The following CBX2 variants were observed in gnomAD, a reference collection of about 807,000 sequenced individuals.
CBX2 encodes chromobox 2.
Under a neutral mutation model 21.0 loss-of-function variants are expected in CBX2, and 11 were observed. The observed-to-expected ratio is 0.52, with a 90% confidence interval of 0.33 to 0.87. The LOEUF (loss-of-function observed/expected upper bound fraction) is 0.87, where lower values mean the gene tolerates loss of function less well. CBX2 is among the 40% of genes least tolerant of loss of function. The pLI, the probability that CBX2 is intolerant of heterozygous loss-of-function variation, is 0.02. For missense variants in CBX2, 746 were observed against 724.3 expected, an observed-to-expected ratio of 1.03 and a Z score of -0.34; for synonymous variants, 364 against 304.6, an observed-to-expected ratio of 1.19 and a Z score of -2.03.
chr17:79,782,116 G>C, intron 4 of CBX2: 2 of 1,613,266 alleles, frequency 1.2e-6, no homozygotes, highest in Non-Finnish European at 1.7e-6. Context: ...GGTCCTTGGG[G>C]GACGGAAAGG....
At chr17:79,777,428 G>A (rs1355994713), upstream of CBX2, among the ~76,000 whole-genome samples, 1 of 152,244 alleles carries the variant, frequency 6.6e-6, no homozygotes, top group African/African-American at 2.4e-5. Flanking sequence ...AAACTCGGGG[G>A]CTGGATCCAC....
At position 79,782,571 on chromosome 17, in the gene CBX2, T is replaced by C. The variant is rs1033810061; in HGVS notation, c.288+770T>C. On this transcript the variant is annotated intron_variant, in intron 4 of 4. Coordinates refer to ENST00000310942, the MANE Select transcript of CBX2 (RefSeq NM_005189.3). ...TGTGGCCACGAGCTCAGTCACTAACTGAACCTGCCTTTCCAGGAGGATTTC... is the reference window on the plus strand; with the variant it reads ...TGTGGCCACGAGCTCAGTCACTAACCGAACCTGCCTTTCCAGGAGGATTTC... 7.7e-6 allele frequency: 7 copies of C among 903,648 alleles called. No homozygotes were observed. In the Admixed American group the frequency reaches 3.0e-4, roughly 38 times the overall value. 56.0% of individuals were successfully genotyped at this position (903,648 alleles called of 1,614,324 possible).
Position 79,778,347 on chromosome 17 carries a change from G to A in CBX2, c.73-37G>A. On this transcript the variant is annotated intron_variant, in intron 1 of 4. Transcript: ENST00000310942. The surrounding 1 kb of genome is among the most constrained non-coding windows in gnomAD (Gnocchi z 4.8). ...CCGGGCCCCCCGCCCGCCGCCCGCT[G>A]TCCGTCTGGCTCACGGCCCCTCTTC... 6.3e-7 allele frequency: 1 copy of A among 1,577,500 alleles called. No individual in the cohort carries two copies. The highest frequency in any genetic ancestry group is 8.6e-7 in the Non-Finnish European group (1 of 1,166,890).
chr17:79,785,191 A>T lies in CBX2; in HGVS notation c.*149A>T. 1.5e-6 allele frequency: 1 copy of T among 688,736 alleles called. No homozygotes were observed. The highest frequency in any genetic ancestry group is 1.7e-5 in the South Asian group (1 of 58,712). 42.7% of individuals were successfully genotyped at this position (688,736 alleles called of 1,614,324 possible). A position where few individuals can be genotyped will look rare whatever the true frequency, so the allele number is the denominator to read the frequency against. On this transcript the variant is annotated 3_prime_UTR_variant, in exon 5 of 5. Coordinates refer to ENST00000310942, the MANE Select transcript of CBX2 (RefSeq NM_005189.3). ...TCCTTGATGGGCAGGCTTGGAAGGG[A>T]CTTCTCCCGCACCCCACTCTGTCCC...
In CBX2 at chr17:79,778,459, C is replaced by G. The variant is rs1906904906; in HGVS notation, c.116+32C>G. On this transcript the variant is annotated intron_variant, in intron 2 of 4. Transcript: ENST00000310942. The surrounding 1 kb of genome is among the most constrained non-coding windows in gnomAD (Gnocchi z 4.8). ...CCCCCGCGACGCCGCGCCCCCCTCC[C>G]GCCCCCTCGCCCGGGGGTGGGGACG... 7.0e-7 allele frequency: 1 copy of G among 1,431,052 alleles called. No individual in the cohort carries two copies. Among genetic ancestry groups the G allele is most frequent in the Admixed American group, 2.1e-5 (1 of 47,270 alleles). The allele number at this position is 1,431,052 out of a possible 1,614,324, so 88.6% of individuals were successfully genotyped here. A position where few individuals can be genotyped will look rare whatever the true frequency, so the allele number is the denominator to read the frequency against.
Position 79,785,753 on chromosome 17 carries a change from C to G in CBX2, c.*711C>G, listed in dbSNP as rs117006205. 6.5e-6 allele frequency: 1 copy of G among 153,190 alleles called. No homozygotes were observed. Among genetic ancestry groups the G allele is most frequent in the African/African-American group, 2.4e-5 (1 of 41,432 alleles). The allele number at this position is 153,190 out of a possible 1,614,324, so 9.5% of individuals were successfully genotyped here. ...CCTTCATGGCCATCTAGCCCCAGTT[C>G]AGGGCAGCATCCATAGCCCACAAGC... On this transcript the variant is annotated 3_prime_UTR_variant, in exon 5 of 5. Coordinates refer to ENST00000310942, the MANE Select transcript of CBX2 (RefSeq NM_005189.3).
Position 79,778,765 on chromosome 17 carries a change from C to G in CBX2, c.116+338C>G, listed in dbSNP as rs939684840. Among the ~76,000 whole-genome samples the G allele has an allele frequency of 2.6e-5, 4 of 152,132 alleles. No individual in the cohort carries two copies. The East Asian group carries it at 5.8e-4, about 22-fold the overall frequency. On this transcript the variant is annotated intron_variant, in intron 2 of 4. Coordinates refer to ENST00000310942, the MANE Select transcript of CBX2 (RefSeq NM_005189.3). This position sits in a 1 kb window ranked among gnomAD's most constrained non-coding sequence, Gnocchi z 4.8. ...CTTGGCCAGATTCTCCCCGCTGTAA[C>G]CTGAGCTTGCTATTGATGGATGTAG...
chr17:79,779,198 A>T (rs1906973067), intron 2 of CBX2, among the ~76,000 whole-genome samples, 164 bp from the exon 3 acceptor site: 1 of 152,168 alleles, frequency 6.6e-6, no homozygotes, highest in Admixed American at 6.5e-5. Context: ...GGGGGTGGCC[A>T]GCCTCCAAAA....
In CBX2 at chr17:79,786,979, G is replaced by C. The variant is rs1336867377; in HGVS notation, c.*1937G>C. The C allele has an allele frequency of 6.5e-6, 1 of 152,708 alleles. No homozygotes were observed. Among genetic ancestry groups the C allele is most frequent in the Non-Finnish European group, 1.5e-5 (1 of 68,086 alleles). 9.5% of individuals were successfully genotyped at this position (152,708 alleles called of 1,614,324 possible). ...ACAGTGGCCATATTGGCTGCAGCAG[G>C]AATGGTGCCCACCTCGGCGAATTGA... On this transcript the variant is annotated 3_prime_UTR_variant, in exon 5 of 5. Transcript: ENST00000310942.
intron 4 of CBX2, 85 bp from the exon 5 acceptor site, chr17:79,783,647 T>C: frequency 2.5e-6 from 3 of 1,188,394 alleles, no homozygotes; most frequent in Admixed American, 2.0e-5. Flanking sequence ...TGACCTCAGG[T>C]GATCCACCCG....
chr17:79,783,559 G>A (rs542408888), intron 4 of CBX2, among the ~76,000 whole-genome samples, 173 bp from the exon 5 acceptor site: 12 of 152,162 alleles, frequency 7.9e-5, no homozygotes, highest in African/African-American at 2.7e-4. Context: ...ACAGGTGCGC[G>A]CCACAACACC....
upstream of CBX2, among the ~76,000 whole-genome samples, chr17:79,777,832 C>T (rs1906827916): frequency 6.6e-6 from 1 of 150,850 alleles, no homozygotes; most frequent in Non-Finnish European, 1.5e-5. Context: ...AGGGCGGGCG[C>T]GCCCCGGGAA....
chr17:79,782,146 G>A lies in CBX2; in HGVS notation c.288+345G>A, dbSNP rs148976689. On this transcript the variant is annotated intron_variant, in intron 4 of 4. Transcript: ENST00000310942. ...GAAAGGAACAGGAAGCATGCGTACA[G>A]TAGGTGCTCATAGGATTGCCGGCTG... The A allele has an allele frequency of 7.6e-5, 122 of 1,612,874 alleles. No homozygotes were observed. The African/African-American group carries it at 1.1e-3, about 14-fold the overall frequency.
Position 79,783,884 on chromosome 17 carries a change from C to G in CBX2, c.441C>G (p.Ala147=), listed in dbSNP as rs1555830988. The G allele has an allele frequency of 1.9e-6, 3 of 1,613,958 alleles. No homozygotes were observed. Among genetic ancestry groups the G allele is most frequent in the Non-Finnish European group, 1.7e-6 (2 of 1,180,022 alleles). The change falls in exon 5 of 5, where the codon GCC becomes GCG. Residue 147 remains alanine, a synonymous_variant. Transcript: ENST00000310942. ...RETHPVPQKK[A]QILVAKPELK... Reference sequence around the variant, plus strand: ...CCCACCCAGTGCCGCAGAAGAAGGCCCAGATCCTGGTGGCCAAACCCGAGC... The same window carrying G: ...CCCACCCAGTGCCGCAGAAGAAGGCGCAGATCCTGGTGGCCAAACCCGAGC...
Position 79,778,491 on chromosome 17 carries a change from C to T in CBX2, c.116+64C>T, listed in dbSNP as rs1427035453. 3.5e-6 allele frequency: 4 copies of T among 1,145,612 alleles called. No homozygotes were observed. The highest frequency in any genetic ancestry group is 4.8e-6 in the Non-Finnish European group (4 of 835,770). 71.0% of individuals were successfully genotyped at this position (1,145,612 alleles called of 1,614,324 possible). On this transcript the variant is annotated intron_variant, in intron 2 of 4. Transcript: ENST00000310942. This position sits in a 1 kb window ranked among gnomAD's most constrained non-coding sequence, Gnocchi z 4.8. ...TCGCCCGGGGGTGGGGACGTGGAGC[C>T]CCTCGGCCGCGCCGTCCGGTGGCCT...
At position 79,784,396 on chromosome 17, in the gene CBX2, A is replaced by T; in HGVS notation, c.953A>T (p.Glu318Val). ...IPKAPSGGAV[E>V]QKVGNTGGPP... ...AAGGCCCCCAGCGGTGGGGCTGTGG[A>T]GCAGAAAGTGGGGAACACAGGGGGC... The change falls in exon 5 of 5, where the codon GAG becomes GTG. Residue 318 changes from glutamate to valine, a missense_variant. Coordinates refer to ENST00000310942, the MANE Select transcript of CBX2 (RefSeq NM_005189.3). The surrounding 1 kb of genome is among the most constrained non-coding windows in gnomAD (Gnocchi z 5.9). The T allele has an allele frequency of 1.2e-6, 2 of 1,612,270 alleles. No homozygotes were observed. Among genetic ancestry groups the T allele is most frequent in the Non-Finnish European group, 1.7e-6 (2 of 1,179,602 alleles).
At chr17:79,781,256 G>C (rs964717745) in intron 3 of CBX2, among the ~76,000 whole-genome samples, 36 of 152,188 alleles carry the variant, frequency 2.4e-4, no homozygotes, top group African/African-American at 8.4e-4. Context: ...GCCCGGGTGA[G>C]GGTTTTATGC....
rs1907667715 is a variant in CBX2 at position 79,786,783 on chromosome 17, G to GC, written c.*1742dup. On this transcript the variant is annotated 3_prime_UTR_variant, in exon 5 of 5. Coordinates refer to ENST00000310942, the MANE Select transcript of CBX2 (RefSeq NM_005189.3). The stretch of plus-strand genomic sequence containing the variant: ...GGACTTTGAGAATGGGCTCTGGTTT[G>GC]CGGGGGGCAGGCGTACCAGACTGCA... 1 of 152,712 alleles carries GC rather than the reference G, an allele frequency of 6.5e-6. No homozygotes were observed. Among genetic ancestry groups the GC allele is most frequent in the Non-Finnish European group, 1.5e-5 (1 of 68,072 alleles). The allele number at this position is 152,712 out of a possible 1,614,324, so 9.5% of individuals were successfully genotyped here.
At chr17:79,781,114 C>T (rs144950598) in intron 3 of CBX2, among the ~76,000 whole-genome samples, 12 of 152,184 alleles carry the variant, frequency 7.9e-5, no homozygotes, top group South Asian at 2.1e-4. Context: ...CCTCAGACCT[C>T]GGCACCTCTG....
Sources: gnomAD v4.1 joint callset for allele counts (sites outside exome capture counted in the v4.1 genomes callset) on GRCh38, gnomAD v4.1.1 for gene constraint, Gnocchi (gnomAD v3.1) non-coding constraint, MANE v1.5 for transcripts, NCBI Gene and HGNC (gene_info 2026-07-23, HGNC 2026-07-21) for gene names.